Variants in LDHB observed in about 807,000 individuals in gnomAD.
LDHB encodes L-lactate dehydrogenase B chain.
LDHB carries 18 observed loss-of-function variants against 33.4 expected under a neutral mutation model. The observed-to-expected ratio is 0.54, with a 90% CI of 0.37 to 0.80. The LOEUF (loss-of-function observed/expected upper bound fraction) is 0.80. Among genes scored for constraint, LDHB ranks in the 30% least tolerant of loss-of-function variants. The pLI is 0.00. For missense variants in LDHB, 345 were observed against 407.9 expected (o/e 0.85, Z 1.33); for synonymous variants, 121 against 140.6 (o/e 0.86, Z 0.98).
chr12:21,643,747 T>G (rs192408669), intron 4 of LDHB, 188 bp downstream of exon 4: 24 of 571,858 alleles, frequency 4.2e-5, no homozygotes, highest in Non-Finnish European at 6.5e-5. Flanking sequence ...CTTGTCACAT[T>G]TTTTGAACAT....
At position 21,656,524 on chromosome 12, in the gene LDHB, A is replaced by G. The variant is rs554934082; in HGVS notation, c.-7+1227T>C. ...GGTCTGTTTACGACCGTTTTGGTAT[A>G]CAGGGGGCCCAGGAAGCAGTGGAAA... On this transcript the variant is annotated intron_variant, in intron 1 of 7. Transcript: ENST00000350669. Among the ~76,000 whole-genome samples, 9 of 152,330 alleles carry G rather than the reference A, an allele frequency of 5.9e-5. No homozygotes were observed. In the South Asian group the frequency reaches 1.9e-3, roughly 32 times the overall value.
intron 2 of LDHB, among the ~76,000 whole-genome samples, chr12:21,651,834 AAGTC>A (rs1358819375): frequency 6.6e-6 from 1 of 152,238 alleles, no homozygotes; most frequent in Non-Finnish European, 1.5e-5. Context: ...ATCTTTCAAC[AAGTC>A]AGTCATTCTT....
intron 2 of LDHB, among the ~76,000 whole-genome samples, chr12:21,651,442 A>G (rs965809644): frequency 6.6e-6 from 1 of 152,226 alleles, no homozygotes; most frequent in Non-Finnish European, 1.5e-5. Flanking sequence ...GGGACACTGT[A>G]CAAAGGGGCC....
At chr12:21,641,895 A>G in intron 5 of LDHB, 57 bp downstream of exon 5, 4 of 1,457,738 alleles carry the variant, frequency 2.7e-6, no homozygotes, top group Non-Finnish European at 2.8e-6. Context: ...ATAAAATGAA[A>G]AATTCAAAAT....
chr12:21,655,801 C>T (rs887024577), intron 1 of LDHB, among the ~76,000 whole-genome samples: 2 of 152,112 alleles, frequency 1.3e-5, no homozygotes, highest in Non-Finnish European at 2.9e-5. Flanking sequence ...TGTACTTGTG[C>T]CATCAGATAA....
chr12:21,636,167 G>A (rs1256625465), intron 7 of LDHB, among the ~76,000 whole-genome samples: 1 of 151,764 alleles, frequency 6.6e-6, no homozygotes, highest in African/African-American at 2.4e-5. Flanking sequence ...TGATATATGA[G>A]TCTTCAAATT....
chr12:21,647,196 T>C (rs112589093), intron 2 of LDHB, among the ~76,000 whole-genome samples, 180 bp from the exon 3 acceptor site: 3 of 152,298 alleles, frequency 2.0e-5, no homozygotes, highest in African/African-American at 4.8e-5. Flanking sequence ...AACTATACTT[T>C]AAGAACATGT....
intron 1 of LDHB, chr12:21,657,166 C>T (rs1225893564): frequency 1.3e-5 from 2 of 152,260 alleles, no homozygotes; most frequent in African/African-American, 4.8e-5. Context: ...AACGAAGCCC[C>T]TAAGCATCCA....
At chr12:21,648,957 G>A (rs905155677) in intron 2 of LDHB, among the ~76,000 whole-genome samples, 2 of 152,144 alleles carry the variant, frequency 1.3e-5, no homozygotes, top group Non-Finnish European at 2.9e-5. Context: ...ATCAAATACT[G>A]GCGTTAATTT....
intron 7 of LDHB, among the ~76,000 whole-genome samples, 196 bp downstream of exon 7, chr12:21,636,875 A>G (rs1314125849): frequency 6.6e-6 from 1 of 152,166 alleles, no homozygotes; most frequent in Non-Finnish European, 1.5e-5. Context: ...AATCTATTGA[A>G]TGTCTTAGAT....
At chr12:21,654,445 A>G (rs927971440) in intron 2 of LDHB, 98 bp downstream of exon 2, 3 of 1,208,326 alleles carry the variant, frequency 2.5e-6, no homozygotes, top group Admixed American at 3.5e-5. Context: ...CAGGAAAAAA[A>G]GAAATCTTTT....
Position 21,638,463 on chromosome 12 carries a change from C to T in LDHB, c.603G>A (p.Val201=). 6.5e-7 allele frequency: 1 copy of T among 1,536,038 alleles called. No homozygotes were observed. Among genetic ancestry groups the T allele is most frequent in the Non-Finnish European group, 8.8e-7 (1 of 1,132,044 alleles). Residue 201 remains valine, a synonymous_variant, in exon 6 of 8, where the codon GTG becomes GTA. Coordinates refer to ENST00000350669, the MANE Select transcript of LDHB (RefSeq NM_002300.8). ...LGEHGDSSVA[V]WSGVNVAGVS... ...CACCTGCCACATTCACACCACTCCA[C>T]ACAGCCACTGTTTAAAAAAAAAAAA...
intron 1 of LDHB, among the ~76,000 whole-genome samples, chr12:21,656,778 G>A (rs1938857824): frequency 6.6e-6 from 1 of 152,190 alleles, no homozygotes; most frequent in Admixed American, 6.5e-5. Flanking sequence ...AGTGCAGGCT[G>A]TAAGGAACAA....
chr12:21,642,368 T>C (rs1462583545), intron 4 of LDHB, among the ~76,000 whole-genome samples: 1 of 152,212 alleles, frequency 6.6e-6, no homozygotes, highest in Non-Finnish European at 1.5e-5. Flanking sequence ...ACTGTGCTTT[T>C]ACATTTGCAT....
intron 1 of LDHB, among the ~76,000 whole-genome samples, chr12:21,655,891 C>T (rs1310924988): frequency 2.6e-5 from 4 of 152,134 alleles, no homozygotes; most frequent in Non-Finnish European, 4.4e-5. Flanking sequence ...ATTTATAGTA[C>T]ACTAAATATA....
At chr12:21,638,631 A>C (rs1677129) in intron 5 of LDHB, 161 bp from the exon 6 acceptor site, 599,476 of 605,836 alleles carry the variant, frequency 0.99, 296,842 homozygotes, top group East Asian at 1. Context: ...ATAGTTCCCC[A>C]AAAAGGCTGA....
intron 5 of LDHB, among the ~76,000 whole-genome samples, chr12:21,639,833 T>G (rs1677124): frequency 6.6e-6 from 1 of 151,938 alleles, no homozygotes; most frequent in Non-Finnish European, 1.5e-5. Context: ...AAAATTCAGA[T>G]GAGTCCCTGG....
intron 6 of LDHB, 85 bp downstream of exon 6, chr12:21,638,268 G>A (rs1938271399): frequency 1.2e-6 from 1 of 815,082 alleles, no homozygotes; most frequent in African/African-American, 1.7e-5. Flanking sequence ...GAGTTTATCT[G>A]AGCAGACAGC....
chr12:21,654,297 G>C, intron 2 of LDHB: 1 of 511,650 alleles, frequency 2.0e-6, no homozygotes, highest in East Asian at 3.6e-5. Flanking sequence ...TATACTGGAT[G>C]ATAGTATTGC....
Sources: allele counts gnomAD v4.1 joint callset (sites outside exome capture counted in the v4.1 genomes callset), GRCh38; gene constraint gnomAD v4.1.1; transcripts MANE v1.5; gene names NCBI Gene and HGNC (gene_info 2026-07-23, HGNC 2026-07-21).